The following PDCD2L variants were observed in gnomAD, a reference collection of about 807,000 sequenced individuals.
PDCD2L encodes the protein programmed cell death 2 like.
A neutral mutation model predicts 40.4 loss-of-function variants in PDCD2L; 44 were observed. The observed-to-expected ratio is 1.09, with a 90% CI of 0.86 to 1.40. The LOEUF is 1.40. PDCD2L is among the 40% of genes most tolerant of loss of function. The probability of loss-of-function intolerance (pLI) is 0.00; values close to 1 mark genes in which losing one functional copy is unlikely to be tolerated. For synonymous variants in PDCD2L, 194 were observed against 174.6 expected (o/e 1.11, Z -0.88); for missense variants, 470 against 453.7 (o/e 1.04, Z -0.33).
At position 34,426,054 on chromosome 19, in the gene PDCD2L, T is replaced by C. The variant is rs2075175495; in HGVS notation, c.1011T>C (p.Asn337=). The C allele has an allele frequency of 6.2e-7, 1 of 1,610,078 alleles. No individual in the cohort carries two copies. The change falls in exon 7 of 7, where the codon AAT becomes AAC. Residue 337 remains asparagine (N), a synonymous_variant. Coordinates refer to ENST00000246535, the MANE Select transcript of PDCD2L (RefSeq NM_032346.2). ...YTCEKSCWPP[N]HQTPMEEFCI... is the part of the protein sequence containing the mutation. ...GTGAGAAGAGTTGCTGGCCCCCAAA[T>C]CATCAGACTCCCATGGAAGAATTTT...
chr19:34,415,914 G>A (rs2075124545), intron 5 of PDCD2L, among the ~76,000 whole-genome samples: 1 of 152,038 alleles, frequency 6.6e-6, no homozygotes, highest in South Asian at 2.1e-4. Context: ...ATACTGATGA[G>A]TCCACAAAGA....
chr19:34,404,793 T>G lies in PDCD2L; in HGVS notation c.253T>G (p.Cys85Gly), dbSNP rs978874100. 1 of 1,605,510 alleles carries G rather than the reference T, an allele frequency of 6.2e-7. No homozygotes were observed. Residue 85 changes from cysteine to glycine, a missense_variant, in exon 2 of 7, where the codon TGT (cysteine) becomes GGT (glycine). Coordinates refer to ENST00000246535, the MANE Select transcript of PDCD2L (RefSeq NM_032346.2). ...CGTGTTCGCGTGCGCCTGCCCCGGC[T>G]GTAGCACCGGCGGTGCGCGCAGGTA... is the stretch of plus-strand genomic sequence containing the variant. The part of the protein sequence containing the change: ...LHVFACACPG[C>G]STGGARSWKV...
intron 3 of PDCD2L, among the ~76,000 whole-genome samples, chr19:34,405,237 C>A (rs1198099998): frequency 6.6e-6 from 1 of 150,526 alleles, no homozygotes; most frequent in Admixed American, 6.6e-5. Context: ...ACCTCCGCCT[C>A]CCAGGTTCAA....
rs2145459795 is a variant in PDCD2L at position 34,409,358 on chromosome 19, G to A, written c.534G>A (p.Val178=). The stretch of plus-strand genomic sequence containing the variant: ...CTGTCCTGGGTGCTGCCCATCCTGT[G>A]CCTCCTGGGCTGCCGCTCTTCCTGC... ...QDAVLGAAHP[V]PPGLPLFLPY... is the part of the protein sequence containing the mutation. The change falls in exon 4 of 7, where the codon GTG becomes GTA. Residue 178 remains valine (V), a synonymous_variant. Coordinates refer to ENST00000246535, the MANE Select transcript of PDCD2L (RefSeq NM_032346.2). 6.2e-7 allele frequency: 1 copy of A among 1,614,024 alleles called. No individual in the cohort carries two copies.
intron 4 of PDCD2L, among the ~76,000 whole-genome samples, chr19:34,412,622 G>A (rs183722663): frequency 2.0e-5 from 3 of 151,730 alleles, no homozygotes; most frequent in Admixed American, 2.0e-4. Context: ...GGAGGCTGAG[G>A]CAGGAGAATT....
intron 5 of PDCD2L, among the ~76,000 whole-genome samples, chr19:34,420,117 C>G (rs372987548): frequency 3.3e-5 from 5 of 151,820 alleles, no homozygotes; most frequent in East Asian, 1.9e-4. Context: ...CAGCCTCCCC[C>G]ACAGCTGGGA....
chr19:34,417,753 G>A (rs960960020), intron 5 of PDCD2L, among the ~76,000 whole-genome samples: 15 of 152,208 alleles, frequency 9.9e-5, no homozygotes, highest in African/African-American at 3.6e-4. Flanking sequence ...TCTTTGAAGG[G>A]TTGATAAATA....
At chr19:34,404,600 C>A (rs746630250) in intron 1 of PDCD2L, 49 bp from the exon 2 acceptor site, 3 of 1,593,572 alleles carry the variant, frequency 1.9e-6, no homozygotes, top group Admixed American at 3.4e-5. Context: ...AGGGAGTGGG[C>A]GAGGTCCTGG....
Position 34,421,644 on chromosome 19 carries a change from G to A in PDCD2L, c.923G>A (p.Ser308Asn), listed in dbSNP as rs1165911984. 13 of 1,614,032 alleles carry A rather than the reference G, an allele frequency of 8.1e-6. No homozygotes were observed. Among genetic ancestry groups the A allele is most frequent in the Non-Finnish European group, 1.1e-5 (13 of 1,179,954 alleles). Residue 308 changes from serine (S) to asparagine (N), a missense_variant, in exon 6 of 7, where the codon AGC becomes AAC. Transcript: ENST00000246535. ...FEFQLMPALVSMLKSANLGLS... is the reference protein window; with the variant it reads ...FEFQLMPALVNMLKSANLGLS... ...TTTCAGCTTATGCCAGCACTGGTCA[G>A]CATGCTCAAGAGTGCTAATTTAGGT...
chr19:34,421,468 G>T, intron 5 of PDCD2L, 51 bp from the exon 6 acceptor site: 1 of 1,601,420 alleles, frequency 6.2e-7, no homozygotes, highest in Non-Finnish European at 8.5e-7. Flanking sequence ...TTAGATGCTA[G>T]AATGCGACTT....
At chr19:34,414,717 T>C (rs552149757) in intron 5 of PDCD2L, among the ~76,000 whole-genome samples, 1 of 152,036 alleles carries the variant, frequency 6.6e-6, no homozygotes, top group Non-Finnish European at 1.5e-5. Context: ...TCCAAACTTC[T>C]GGGTTCAAGC....
chr19:34,415,625 A>C (rs140915582), intron 5 of PDCD2L, among the ~76,000 whole-genome samples: 1 of 152,212 alleles, frequency 6.6e-6, no homozygotes, highest in African/African-American at 2.4e-5. Flanking sequence ...ACCACAGTGA[A>C]TCTAAAAGCT....
rs1255440329 is a variant in PDCD2L, at chr19:34,413,788, A to T, written c.738A>T (p.Gly246=). Residue 246 remains glycine, a synonymous_variant, in exon 5 of 7, where the codon GGA becomes GGT. Transcript: ENST00000246535. ...EKYEKTIIKS[G]DQTFYKFMKR... ...ATGAGAAGACCATAATTAAAAGTGG[A>T]GATCAGACGTTTTACAAATTCATGA... The T allele has an allele frequency of 6.2e-7, 1 of 1,608,694 alleles. No homozygotes were observed. The highest frequency in any genetic ancestry group is 1.3e-5 in the African/African-American group (1 of 74,784).
chr19:34,422,733 T>G (rs942968460), intron 6 of PDCD2L, among the ~76,000 whole-genome samples: 1 of 151,934 alleles, frequency 6.6e-6, no homozygotes, highest in Non-Finnish European at 1.5e-5. Flanking sequence ...TCTTTTTTCT[T>G]GAGACGGAGT....
chr19:34,425,469 A>AT (rs767827228), intron 6 of PDCD2L, among the ~76,000 whole-genome samples: 247 of 141,878 alleles, frequency 1.7e-3, no homozygotes, highest in South Asian at 1.3e-3. Context: ...CACCCAGTGA[A>AT]TTTTTTTTTT....
chr19:34,412,049 C>A (rs1230117423), intron 4 of PDCD2L, among the ~76,000 whole-genome samples: 1 of 148,756 alleles, frequency 6.7e-6, no homozygotes, highest in African/African-American at 2.5e-5. Flanking sequence ...GAGACAGAAT[C>A]TCGCTCTGTT....
chr19:34,405,372 C>G (rs1448534612), intron 3 of PDCD2L, among the ~76,000 whole-genome samples: 1 of 151,238 alleles, frequency 6.6e-6, no homozygotes, highest in African/African-American at 2.4e-5. Context: ...TCTCGAACTG[C>G]CGACCTCAGG....
intron 5 of PDCD2L, among the ~76,000 whole-genome samples, chr19:34,415,947 A>T (rs2075124723): frequency 6.6e-6 from 1 of 152,066 alleles, no homozygotes; most frequent in African/African-American, 2.4e-5. Context: ...CGGAAACGGA[A>T]TCTGTCTCTG....
chr19:34,417,641 A>AAT (rs1384340373), intron 5 of PDCD2L, among the ~76,000 whole-genome samples: 1 of 152,074 alleles, frequency 6.6e-6, no homozygotes, highest in Non-Finnish European at 1.5e-5. Context: ...TAAGGAACAT[A>AAT]ATAGACTTGG....
Sources: allele counts gnomAD v4.1 joint callset (sites outside exome capture counted in the v4.1 genomes callset), GRCh38; gene constraint gnomAD v4.1.1; transcripts MANE v1.5; gene names NCBI Gene and HGNC (gene_info 2026-07-23, HGNC 2026-07-21).